The following RRP12 variants were observed in gnomAD, a reference collection of about 807,000 sequenced individuals.
RRP12 encodes RRP12-like protein.
A neutral mutation model predicts 157.3 loss-of-function variants in RRP12; 78 were observed. The ratio of observed to expected loss-of-function variants is 0.50; its 90% CI spans 0.41 to 0.60. The LOEUF is 0.60. Ranked by LOEUF, RRP12 falls within the 20% of genes least tolerant of loss-of-function variation. RRP12 has a pLI of 0.00. For missense variants in RRP12, 1,521 were observed against 1,679.9 expected (o/e 0.91, Z 1.65); for synonymous variants, 726 against 670.9 (o/e 1.08, Z -1.27).
At chr10:97,390,682 C>T in intron 5 of RRP12, 57 bp downstream of exon 5, 4 of 1,440,206 alleles carry the variant, frequency 2.8e-6, no homozygotes, top group Non-Finnish European at 3.9e-6. Flanking sequence ...CTAAGCATCA[C>T]CAAATCAGAC....
chr10:97,372,587 GTCAGCACAGCCTC>G (rs1321132326), intron 19 of RRP12, 136 bp downstream of exon 19: 1 of 700,232 alleles, frequency 1.4e-6, no homozygotes, highest in Non-Finnish European at 2.5e-6. Context: ...GAAGGAACTA[GTCAGCACAGCCTC>G]TCAGCACAGC....
At chr10:97,365,816 G>GGGAGGA in intron 29 of RRP12, 1 of 330,192 alleles carries the variant, frequency 3.0e-6, no homozygotes, top group Non-Finnish European at 5.5e-6. Context: ...GAAGAGGAGG[G>GGGAGGA]GGAGGAGGAG....
Position 97,371,085 on chromosome 10 carries a change from G to A in RRP12, c.2344-4C>T, listed in dbSNP as rs1156557390. 6.2e-7 allele frequency: 1 copy of A among 1,612,802 alleles called. No individual in the cohort carries two copies. The highest frequency in any genetic ancestry group is 8.5e-7 in the Non-Finnish European group (1 of 1,179,662). ...TCTGCACCCCGTGGGCCTTGCTCTG[G>A]CAGACAGGAACCGGTGAGGGAGGCC... On this transcript the variant is annotated splice_region_variant and splice_polypyrimidine_tract_variant and intron_variant, in intron 20 of 33. Coordinates refer to ENST00000370992, the MANE Select transcript of RRP12 (RefSeq NM_015179.4).
At chr10:97,358,416 A>G (rs1260392600) in intron 33 of RRP12, 121 bp downstream of exon 33, 8 of 734,020 alleles carry the variant, frequency 1.1e-5, no homozygotes, top group Non-Finnish European at 1.4e-5. Context: ...GTTAAAAAAA[A>G]AAGCTGGAAG....
rs769408622 is a variant in RRP12, at chr10:97,370,808, G to A, written c.2503-12C>T. 6.2e-7 allele frequency: 1 copy of A among 1,613,436 alleles called. No individual in the cohort carries two copies. The highest frequency in any genetic ancestry group is 1.1e-5 in the South Asian group (1 of 91,042). ...CACTTCAAACGGGGCTGTGGGCAAA[G>A]GGCTACCAGTCAGGACCCCTCAATG... On this transcript the variant is annotated splice_polypyrimidine_tract_variant and intron_variant, in intron 21 of 33. Coordinates refer to ENST00000370992, the MANE Select transcript of RRP12 (RefSeq NM_015179.4).
rs1396710242 is a variant in RRP12, at chr10:97,358,989, C to T, written c.3662G>A (p.Arg1221His). The T allele has an allele frequency of 2.5e-6, 4 of 1,613,816 alleles. No individual in the cohort carries two copies. Among genetic ancestry groups the T allele is most frequent in the South Asian group, 2.2e-5 (2 of 91,080 alleles). ...AGGCATAGCCTTCTTGGCCACAGGGCGATGAATGCCAGAGCCTCCAGCTAC... is the reference window on the plus strand; with the variant it reads ...AGGCATAGCCTTCTTGGCCACAGGGTGATGAATGCCAGAGCCTCCAGCTAC... ...QYQAGGSGIHRPVAKKAMPGA... is the reference protein window; with the variant it reads ...QYQAGGSGIHHPVAKKAMPGA... The change falls in exon 32 of 34, where the codon CGC becomes CAC. Residue 1221 changes from arginine (R) to histidine (H), a missense_variant. By Grantham distance (29) the Arg-to-His change is conservative (BLOSUM62 0). Transcript: ENST00000370992.
rs548230384 is a variant in RRP12, at chr10:97,396,663, G to A, written c.370-362C>T. On this transcript the variant is annotated intron_variant, in intron 2 of 33. Transcript: ENST00000370992. ...TAATGTACTGCAGTTATCGAGGGGG[G>A]GATTGGTTCCAGGACCCCTAAAGAT... Among the ~76,000 whole-genome samples the A allele has an allele frequency of 3.9e-5, 6 of 152,244 alleles. No homozygotes were observed. In the South Asian group the frequency reaches 1.0e-3, roughly 26 times the overall value.
chr10:97,385,847 G>T, intron 9 of RRP12, 48 bp downstream of exon 9: 1 of 1,383,200 alleles, frequency 7.2e-7, no homozygotes, highest in Non-Finnish European at 1.0e-6. Context: ...AGCCTCCCAA[G>T]GCACCACCCC....
At position 97,367,094 on chromosome 10, in the gene RRP12, C is replaced by T. The variant is rs772864498; in HGVS notation, c.2994G>A (p.Arg998=). The change falls in exon 26 of 34, where the codon CGG becomes CGA. Residue 998 remains arginine (R), a synonymous_variant. Transcript: ENST00000370992. ...AIGKLSDDMR[R]HFRMKLRNLF... is the part of the protein sequence containing the mutation. ...GGTTCCGAAGCTTCATGCGGAAGTG[C>T]CGCCGCATGTCATCTGAAAGCTTCC... 5.0e-6 allele frequency: 8 copies of T among 1,614,082 alleles called. No homozygotes were observed. The South Asian group carries it at 8.8e-5, about 18-fold the overall frequency.
At chr10:97,357,870 T>A (rs1261310306) in intron 33 of RRP12, among the ~76,000 whole-genome samples, 29 of 146,214 alleles carry the variant, frequency 2.0e-4, no homozygotes, top group Non-Finnish European at 2.7e-4. Context: ...GAGGCAGGAG[T>A]ATGGCGTGAA....
chr10:97,371,098 G>A lies in RRP12; in HGVS notation c.2344-17C>T, dbSNP rs201523151. 272 of 1,611,514 alleles carry A rather than the reference G, an allele frequency of 1.7e-4. No homozygotes were observed. The highest frequency in any genetic ancestry group is 3.5e-4 in the Middle Eastern group (2 of 5,646). On this transcript the variant is annotated splice_polypyrimidine_tract_variant and intron_variant, in intron 20 of 33. Coordinates refer to ENST00000370992, the MANE Select transcript of RRP12 (RefSeq NM_015179.4). ...GGCCTTGCTCTGGCAGACAGGAACC[G>A]GTGAGGGAGGCCTGGGGCTCACTCC...
chr10:97,390,713 T>C, intron 5 of RRP12, 26 bp downstream of exon 5: 1 of 1,551,774 alleles, frequency 6.4e-7, no homozygotes, highest in Non-Finnish European at 8.9e-7. Flanking sequence ...AGTCGCCAGA[T>C]GAGAAACTAA....
At chr10:97,379,268 A>G in intron 15 of RRP12, 25 bp downstream of exon 15, 1 of 1,612,706 alleles carries the variant, frequency 6.2e-7, no homozygotes, top group Non-Finnish European at 8.5e-7. Flanking sequence ...GCCTCAGGTC[A>G]CACACAGGCA....
chr10:97,381,761 A>C lies in RRP12; in HGVS notation c.1274T>G (p.Leu425Arg), dbSNP rs1181847612. 1 of 1,614,240 alleles carries C rather than the reference A, an allele frequency of 6.2e-7. No individual in the cohort carries two copies. The highest frequency in any genetic ancestry group is 1.7e-5 in the Admixed American group (1 of 60,032). Residue 425 changes from leucine to arginine, a missense_variant, in exon 11 of 34, where the codon CTT (leucine) becomes CGT (arginine). Coordinates refer to ENST00000370992, the MANE Select transcript of RRP12 (RefSeq NM_015179.4). ...AGTCAGCACTTGCGAGTGTGGGGAAAGGAGGCAGGTCACCGCAGTTCCAAA... is the reference window on the plus strand; with the variant it reads ...AGTCAGCACTTGCGAGTGTGGGGAACGGAGGCAGGTCACCGCAGTTCCAAA... ...RFFGTAVTCLLSPHSQVLTAA... is the reference protein window; with the variant it reads ...RFFGTAVTCLRSPHSQVLTAA...
intron 25 of RRP12, 62 bp from the exon 26 acceptor site, chr10:97,367,194 G>T: frequency 7.1e-7 from 1 of 1,416,400 alleles, no homozygotes; most frequent in Non-Finnish European, 9.9e-7. Flanking sequence ...CCCCTTTACT[G>T]CTGTCCAGCC....
intron 2 of RRP12, among the ~76,000 whole-genome samples, chr10:97,399,937 A>C (rs1845090682): frequency 7.0e-6 from 1 of 143,258 alleles, no homozygotes; most frequent in Non-Finnish European, 1.5e-5. Flanking sequence ...ACATGAATTA[A>C]GTTAAATTAA....
At chr10:97,400,952 G>A (rs1222133713) in intron 1 of RRP12, 141 bp downstream of exon 1, 13 of 1,052,672 alleles carry the variant, frequency 1.2e-5, no homozygotes, top group Non-Finnish European at 1.7e-5. Flanking sequence ...CTGCCCTTCA[G>A]AGAGGGCTCC....
chr10:97,359,845 G>A (rs539166723), intron 31 of RRP12, among the ~76,000 whole-genome samples: 1 of 152,338 alleles, frequency 6.6e-6, no homozygotes, highest in East Asian at 1.9e-4. Context: ...CCTGGCTCAT[G>A]GGTGCCACAG....
At chr10:97,379,520 T>G (rs1462933606) in intron 14 of RRP12, 106 bp from the exon 15 acceptor site, 2 of 1,589,432 alleles carry the variant, frequency 1.3e-6, no homozygotes, top group African/African-American at 2.7e-5. Context: ...TGGCCCCTCC[T>G]GCTGAGCCCT....
Sources: gnomAD v4.1 joint callset for allele counts (sites outside exome capture counted in the v4.1 genomes callset) on GRCh38, gnomAD v4.1.1 for gene constraint, MANE v1.5 for transcripts, NCBI Gene and HGNC (gene_info 2026-07-23, HGNC 2026-07-21) for gene names.